Variants in SIGLEC15 observed in about 807,000 individuals in gnomAD.
SIGLEC15 encodes sialic acid-binding Ig-like lectin 15.
In SIGLEC15, 31 loss-of-function variants were observed where a neutral mutation model predicts 26.2. The ratio of observed to expected loss-of-function variants is 1.18; its 90% CI spans 0.89 to 1.60. The LOEUF (loss-of-function observed/expected upper bound fraction) is 1.60, where lower values mean the gene tolerates loss of function less well. Ranked by LOEUF, SIGLEC15 falls within the 40% of genes most tolerant of loss-of-function variation. SIGLEC15 has a pLI of 0.00. For synonymous variants in SIGLEC15, 207 were observed against 221.9 expected (o/e 0.93, Z 0.60); for missense variants, 501 against 488.4 (o/e 1.03, Z -0.24).
At chr18:45,825,827 T>C (rs1440822) in intron 1 of SIGLEC15, 47 bp downstream of exon 1, 787,532 of 1,608,026 alleles carry the variant, frequency 0.49, 194,428 homozygotes, top group African/African-American at 0.57. Context: ...ACAGAATAGA[T>C]GCTGAAAGCA....
rs958762904 is a variant in SIGLEC15 at position 45,842,678 on chromosome 18, C to A, written c.*491C>A. The A allele has an allele frequency of 6.3e-6, 1 of 159,530 alleles. No homozygotes were observed. The highest frequency in any genetic ancestry group is 1.8e-4 in the East Asian group (1 of 5,620). The allele number at this position is 159,530 out of a possible 1,614,324, so 9.9% of individuals were successfully genotyped here. ...ACTGTTGAACACGGACAATCATATTCTTCCCTCCTGGCTGGGAGGACTACA... is the reference window on the plus strand; with the variant it reads ...ACTGTTGAACACGGACAATCATATTATTCCCTCCTGGCTGGGAGGACTACA... On this transcript the variant is annotated 3_prime_UTR_variant, in exon 6 of 6. Transcript: ENST00000389474.
In SIGLEC15 at chr18:45,825,708, G is replaced by A; in HGVS notation, c.-21G>A. 1 of 1,614,144 alleles carries A rather than the reference G, an allele frequency of 6.2e-7. No homozygotes were observed. The highest frequency in any genetic ancestry group is 8.5e-7 in the Non-Finnish European group (1 of 1,179,972). On this transcript the variant is annotated 5_prime_UTR_variant, in exon 1 of 6. Transcript: ENST00000389474. ...GGTGGCCGAGAGCGGGTCTGGCCTG[G>A]GGTGTTCAGATGCTCACAGCATGGA...
intron 5 of SIGLEC15, 80 bp downstream of exon 5, chr18:45,840,321 G>A: frequency 6.7e-7 from 1 of 1,486,330 alleles, no homozygotes; most frequent in Non-Finnish European, 9.2e-7. Context: ...GCAGGAGAAG[G>A]AATAAATGGC....
At chr18:45,829,083 G>C (rs1396063841) in intron 1 of SIGLEC15, 2 of 985,790 alleles carry the variant, frequency 2.0e-6, no homozygotes, top group African/African-American at 3.5e-5. Context: ...GGGGGCACCA[G>C]CAGAGACAGG....
chr18:45,825,921 G>A, intron 1 of SIGLEC15, 141 bp downstream of exon 1: 1 of 951,190 alleles, frequency 1.1e-6, no homozygotes, highest in Non-Finnish European at 1.6e-6. Context: ...TGCGCTTGGG[G>A]CCTGTGGTGC....
At position 45,838,963 on chromosome 18, in the gene SIGLEC15, G is replaced by GTT; in HGVS notation, c.742_743insTT (p.Ala248ValfsTer67). 1 of 1,604,490 alleles carries GTT rather than the reference G, an allele frequency of 6.2e-7. No homozygotes were observed. The highest frequency in any genetic ancestry group is 8.5e-7 in the Non-Finnish European group (1 of 1,178,412). On this transcript the variant is annotated frameshift_variant, in exon 4 of 6. Transcript: ENST00000389474. LOFTEE classifies it high-confidence loss of function. ...CGCCAACAGCCTGGGCCGCTCCGAG[G>GTT]CCAGCGTCTACCTGTTCCGCTTCCA...
At position 45,838,754 on chromosome 18, in the gene SIGLEC15, G is replaced by A. The variant is rs746164935; in HGVS notation, c.533G>A (p.Ser178Asn). ...ATCGTCAACATCTCGGTGCTGCCCA[G>A]TCCGGCTCACGCCTTCCGCGCGCTC... ...PRIVNISVLPSPAHAFRALCT... is the reference protein window; with the variant it reads ...PRIVNISVLPNPAHAFRALCT... The change falls in exon 4 of 6, where the codon AGT (serine) becomes AAT (asparagine). Residue 178 changes from serine (S) to asparagine (N), a missense_variant. Coordinates refer to ENST00000389474, the MANE Select transcript of SIGLEC15 (RefSeq NM_213602.3). 1.3e-6 allele frequency: 2 copies of A among 1,582,908 alleles called. No homozygotes were observed. Among genetic ancestry groups the A allele is most frequent in the East Asian group, 2.3e-5 (1 of 43,834 alleles).
chr18:45,828,394 C>A (rs1240008367), intron 1 of SIGLEC15, among the ~76,000 whole-genome samples: 1 of 151,896 alleles, frequency 6.6e-6, no homozygotes, highest in African/African-American at 2.4e-5. Flanking sequence ...CTCCCAGGTC[C>A]TCCTCCATCT....
At position 45,832,750 on chromosome 18, in the gene SIGLEC15, G is replaced by C. The variant is rs572153062; in HGVS notation, c.53-4279G>C. Among the ~76,000 whole-genome samples the C allele has an allele frequency of 5.3e-5, 8 of 152,322 alleles. No individual in the cohort carries two copies. The South Asian group carries it at 1.7e-3, about 32-fold the overall frequency. ...GAATCCTCCCTCCCCTGTCTTAGCA[G>C]ACAGGCATAAGCTGCCAGAGGGAAT... On this transcript the variant is annotated intron_variant, in intron 1 of 5. Coordinates refer to ENST00000389474, the MANE Select transcript of SIGLEC15 (RefSeq NM_213602.3).
intron 1 of SIGLEC15, among the ~76,000 whole-genome samples, chr18:45,828,473 TG>T (rs1568077145): frequency 6.6e-6 from 1 of 152,108 alleles, no homozygotes; most frequent in Non-Finnish European, 1.5e-5. Context: ...AACACTGGTC[TG>T]GGAGCTCCAA....
At position 45,838,752 on chromosome 18, in the gene SIGLEC15, C is replaced by G; in HGVS notation, c.531C>G (p.Pro177=). Residue 177 remains proline (P), a synonymous_variant, in exon 4 of 6, where the codon CCC becomes CCG. Transcript: ENST00000389474. ...GGATCGTCAACATCTCGGTGCTGCC[C>G]AGTCCGGCTCACGCCTTCCGCGCGC... ...APRIVNISVL[P]SPAHAFRALC... 6.3e-7 allele frequency: 1 copy of G among 1,582,832 alleles called. No individual in the cohort carries two copies. The highest frequency in any genetic ancestry group is 8.5e-7 in the Non-Finnish European group (1 of 1,172,746).
chr18:45,830,209 G>A (rs1188418549), intron 1 of SIGLEC15, among the ~76,000 whole-genome samples: 1 of 152,246 alleles, frequency 6.6e-6, no homozygotes, highest in Non-Finnish European at 1.5e-5. Flanking sequence ...TTGGTCAGCT[G>A]TGGCAAAACC....
At chr18:45,834,127 C>T (rs1244705357) in intron 1 of SIGLEC15, among the ~76,000 whole-genome samples, 1 of 152,158 alleles carries the variant, frequency 6.6e-6, no homozygotes, top group Non-Finnish European at 1.5e-5. Context: ...AGTCCCCTCC[C>T]TTTCTCAAGG....
At chr18:45,827,241 C>T (rs1354840330) in intron 1 of SIGLEC15, among the ~76,000 whole-genome samples, 2 of 152,160 alleles carry the variant, frequency 1.3e-5, no homozygotes, top group East Asian at 3.9e-4. Context: ...CCCTATGAAA[C>T]ATTCTCTTTT....
At chr18:45,834,176 A>C (rs1402538838) in intron 1 of SIGLEC15, among the ~76,000 whole-genome samples, 2 of 152,128 alleles carry the variant, frequency 1.3e-5, no homozygotes, top group Non-Finnish European at 2.9e-5. Context: ...AGGGTTCTCC[A>C]ATCCCTGCCT....
At position 45,842,247 on chromosome 18, in the gene SIGLEC15, G is replaced by A. The variant is rs2048330800; in HGVS notation, c.*60G>A. 5 of 1,579,344 alleles carry A rather than the reference G, an allele frequency of 3.2e-6. No individual in the cohort carries two copies. The South Asian group carries it at 5.5e-5, about 17-fold the overall frequency. On this transcript the variant is annotated 3_prime_UTR_variant, in exon 6 of 6. Coordinates refer to ENST00000389474, the MANE Select transcript of SIGLEC15 (RefSeq NM_213602.3). ...TGTAAAGAACAAAGGCCAGTGCGAG[G>A]CTTGGCTGGCACAGCCAGTCCTGGT...
Position 45,837,707 on chromosome 18 carries a change from C to T in SIGLEC15, c.307C>T (p.Leu103Phe), listed in dbSNP as rs2048287422. Residue 103 changes from leucine (L) to phenylalanine (F), a missense_variant, in exon 3 of 6, where the codon CTC becomes TTC. Physicochemically the swap from Leu to Phe is conservative, Grantham distance 22. Transcript: ENST00000389474. Reference sequence around the variant, plus strand: ...CTGCGCTGCGGCGCGGGGCAGCGAGCTCTGCCAGACGGCGCTGAGCCTGCA... The same window carrying T: ...CTGCGCTGCGGCGCGGGGCAGCGAGTTCTGCCAGACGGCGCTGAGCCTGCA... ...FRCAAARGSE[L>F]CQTALSLHGR... is the part of the protein sequence containing the mutation. The T allele has an allele frequency of 6.7e-7, 1 of 1,484,446 alleles. No individual in the cohort carries two copies. The highest frequency in any genetic ancestry group is 8.9e-7 in the Non-Finnish European group (1 of 1,126,618). 92.0% of individuals were successfully genotyped at this position (1,484,446 alleles called of 1,614,324 possible). A position where few individuals can be genotyped will look rare whatever the true frequency, so the allele number is the denominator to read the frequency against.
intron 1 of SIGLEC15, among the ~76,000 whole-genome samples, chr18:45,832,835 C>T (rs956545838): frequency 6.6e-6 from 1 of 152,070 alleles, no homozygotes; most frequent in Admixed American, 6.5e-5. Flanking sequence ...GCATTTTTTT[C>T]CCTGGGCAAA....
chr18:45,828,455 G>A (rs559303107), intron 1 of SIGLEC15, among the ~76,000 whole-genome samples: 72 of 152,258 alleles, frequency 4.7e-4, no homozygotes, highest in Non-Finnish European at 9.4e-4. Context: ...ACGTGGGGCA[G>A]GGGGAAGAAC....
Sources: allele counts gnomAD v4.1 joint callset (sites outside exome capture counted in the v4.1 genomes callset), GRCh38; gene constraint gnomAD v4.1.1; transcripts MANE v1.5; gene names NCBI Gene and HGNC (gene_info 2026-07-23, HGNC 2026-07-21).